Variants in SLC26A5 observed in about 807,000 individuals in gnomAD.
SLC26A5 encodes the protein solute carrier family 26 member 5, also known as prestin.
Under a neutral mutation model 81.0 loss-of-function variants are expected in SLC26A5, and 51 were observed. The observed-to-expected ratio is 0.63, with a 90% CI of 0.50 to 0.80. The LOEUF (loss-of-function observed/expected upper bound fraction) is 0.80. SLC26A5 is among the 30% of genes least tolerant of loss of function. The pLI is 0.00. For synonymous variants in SLC26A5, 325 were observed against 332.8 expected, an observed-to-expected ratio of 0.98 and a Z score of 0.25; for missense variants, 771 against 905.8, an observed-to-expected ratio of 0.85 and a Z score of 1.91.
intron 14 of SLC26A5, among the ~76,000 whole-genome samples, chr7:103,386,653 TATG>T (rs1409688411): frequency 3.1e-4 from 47 of 152,150 alleles, no homozygotes; most frequent in Admixed American, 2.5e-3. Context: ...AAATAAAATT[TATG>T]ATAAGATACC....
intron 19 of SLC26A5, chr7:103,353,027 T>C: frequency 2.6e-6 from 2 of 772,898 alleles, no homozygotes; most frequent in Non-Finnish European, 4.8e-6. Context: ...GAGTATTGAT[T>C]TGGGGATTAC....
intron 19 of SLC26A5, among the ~76,000 whole-genome samples, chr7:103,364,958 CATATATATATAT>C (rs59914167): frequency 2.0e-4 from 25 of 125,502 alleles, no homozygotes; most frequent in African/African-American, 5.3e-4. Context: ...TGTAGACATA[CATATATATATAT>C]ATATATATAT....
Position 103,367,845 on chromosome 7 carries a change from G to C in SLC26A5, c.2041+8963C>G. 1 of 1,612,482 alleles carries C rather than the reference G, an allele frequency of 6.2e-7. No homozygotes were observed. ...AGTTCTTGCTTATATTTGCTGGTCT[G>C]TCTGCTCAGGCTGCTTTAATTAAGC... On this transcript the variant is annotated intron_variant, in intron 19 of 19. Coordinates refer to the SLC26A5 transcript ENST00000339444. The surrounding 1 kb of genome is among the most constrained non-coding windows in gnomAD (Gnocchi z 6.1).
At chr7:103,387,492 A>G (rs906543878) in intron 14 of SLC26A5, among the ~76,000 whole-genome samples, 1 of 152,200 alleles carries the variant, frequency 6.6e-6, no homozygotes, top group Admixed American at 6.5e-5. Context: ...TAGAGTGGGT[A>G]GCACTTGTCA....
Position 103,413,089 on chromosome 7 carries a change from C to A in SLC26A5, c.316G>T (p.Ala106Ser). ...TACAGGCCAAATATTGGAGGCACAG[C>A]TGCCAGCATTGCAAAGGCTAAGCCT... ...PQGLAFAMLAAVPPIFGLYSS... is the reference protein window; with the variant it reads ...PQGLAFAMLASVPPIFGLYSS... The change falls in exon 5 of 20, where the codon GCT becomes TCT. Residue 106 changes from alanine to serine, a missense_variant. Coordinates refer to ENST00000306312, the MANE Select transcript of SLC26A5 (RefSeq NM_198999.3). 6.2e-7 allele frequency: 1 copy of A among 1,613,764 alleles called. No individual in the cohort carries two copies. The highest frequency in any genetic ancestry group is 8.5e-7 in the Non-Finnish European group (1 of 1,179,770).
In SLC26A5 at chr7:103,428,534, AAC is replaced by A. The variant is rs1825851311; in HGVS notation, c.-53-6969_-53-6968del. ...TAATTTATTATTATTTTGTGATAAG[AAC>A]ACAAGGTCTACCCTGCCAGTACTTT... On this transcript the variant is annotated intron_variant, in intron 2 of 19. Coordinates refer to ENST00000306312, the MANE Select transcript of SLC26A5 (RefSeq NM_198999.3). Among the ~76,000 whole-genome samples, 4 of 151,564 alleles carry A rather than the reference AAC, an allele frequency of 2.6e-5. No homozygotes were observed. In the South Asian group the frequency reaches 8.4e-4, roughly 32 times the overall value.
At chr7:103,400,394 C>T (rs929540711) in intron 8 of SLC26A5, among the ~76,000 whole-genome samples, 3 of 152,304 alleles carry the variant, frequency 2.0e-5, no homozygotes, top group South Asian at 2.1e-4. Flanking sequence ...TGTTCATAGC[C>T]TTTGCCCACT....
chr7:103,424,202 T>C (rs1278709111), intron 2 of SLC26A5, among the ~76,000 whole-genome samples: 2 of 152,238 alleles, frequency 1.3e-5, no homozygotes, highest in African/African-American at 4.8e-5. Flanking sequence ...GCCTAATCAT[T>C]GTATCTTCCA....
At chr7:103,391,820 C>T in intron 10 of SLC26A5, 85 bp from the exon 11 acceptor site, 1 of 956,874 alleles carries the variant, frequency 1.0e-6, no homozygotes, top group Non-Finnish European at 1.6e-6. Context: ...TACACATTGT[C>T]AGCACTACAG....
intron 11 of SLC26A5, among the ~76,000 whole-genome samples, chr7:103,390,902 T>C (rs570442066): frequency 4.7e-5 from 7 of 150,492 alleles, no homozygotes; most frequent in Non-Finnish European, 1.0e-4. Flanking sequence ...ACTCTCACTC[T>C]GTCGCCAGGA....
At chr7:103,363,306 C>T (rs1452051561) in intron 19 of SLC26A5, 1 of 1,514,396 alleles carries the variant, frequency 6.6e-7, no homozygotes, top group Admixed American at 1.7e-5. Flanking sequence ...TCCAAAAAGC[C>T]TGTGACTGTA....
chr7:103,437,212 G>A (rs1357044880), intron 2 of SLC26A5, among the ~76,000 whole-genome samples: 1 of 152,200 alleles, frequency 6.6e-6, no homozygotes, highest in Non-Finnish European at 1.5e-5. Flanking sequence ...TTAGGGAAAT[G>A]CACTTTAAAA....
intron 2 of SLC26A5, among the ~76,000 whole-genome samples, chr7:103,434,356 C>CT (rs1441636630): frequency 1.3e-4 from 20 of 152,162 alleles, no homozygotes; most frequent in African/African-American, 4.6e-4. Context: ...TTTATTTTTC[C>CT]TTTCAGAAAG....
At chr7:103,357,064 G>T (rs1321444546) in intron 19 of SLC26A5, among the ~76,000 whole-genome samples, 1 of 152,048 alleles carries the variant, frequency 6.6e-6, no homozygotes, top group Non-Finnish European at 1.5e-5. Context: ...GGCAGCTCAC[G>T]CCTGTAATCC....
chr7:103,389,177 A>G, intron 13 of SLC26A5, 63 bp from the exon 14 acceptor site: 1 of 1,275,370 alleles, frequency 7.8e-7, no homozygotes, highest in Middle Eastern at 1.8e-4. Context: ...AGTTAAACAC[A>G]CAAGTGTGCA....
At chr7:103,425,349 G>C (rs1586365381) in intron 2 of SLC26A5, among the ~76,000 whole-genome samples, 2 of 152,170 alleles carry the variant, frequency 1.3e-5, no homozygotes. Flanking sequence ...TAATGCTTAG[G>C]ATCCACACCT....
intron 8 of SLC26A5, among the ~76,000 whole-genome samples, chr7:103,405,762 C>G (rs1639979184): frequency 6.6e-6 from 1 of 152,210 alleles, no homozygotes; most frequent in African/African-American, 2.4e-5. Flanking sequence ...TTTAAGTTTG[C>G]TGAAGCTGCG....
At chr7:103,419,134 C>CA (rs1298502054) in intron 4 of SLC26A5, among the ~76,000 whole-genome samples, 1 of 152,158 alleles carries the variant, frequency 6.6e-6, no homozygotes, top group East Asian at 1.9e-4. Flanking sequence ...TGCCTTCTGC[C>CA]ATGATTGTGA....
At chr7:103,436,003 A>G (rs1826424218) in intron 2 of SLC26A5, among the ~76,000 whole-genome samples, 2 of 152,210 alleles carry the variant, frequency 1.3e-5, no homozygotes, top group African/African-American at 4.8e-5. Flanking sequence ...ACATTTTAAT[A>G]TAAAATATAT....
Sources: allele counts gnomAD v4.1 joint callset (sites outside exome capture counted in the v4.1 genomes callset), GRCh38; gene constraint gnomAD v4.1.1; non-coding constraint Gnocchi (gnomAD v3.1); transcripts MANE v1.5; gene names NCBI Gene and HGNC (gene_info 2026-07-23, HGNC 2026-07-21).